Variants in CLNS1A observed in about 807,000 individuals in gnomAD.
CLNS1A encodes the protein chloride nucleotide-sensitive channel 1A.
A neutral mutation model predicts 29.4 loss-of-function variants in CLNS1A; 16 were observed. That is an observed-to-expected ratio of 0.54 (90% CI 0.37 to 0.83). CLNS1A has a LOEUF of 0.83. Among genes scored for constraint, CLNS1A ranks in the 40% least tolerant of loss-of-function variants. CLNS1A has a pLI of 0.00. For synonymous variants in CLNS1A, 96 were observed against 104.8 expected, an observed-to-expected ratio of 0.92 and a Z score of 0.51; for missense variants, 235 against 287.4, an observed-to-expected ratio of 0.82 and a Z score of 1.32.
chr11:77,636,736 A>C (rs970497262), intron 1 of CLNS1A, among the ~76,000 whole-genome samples: 4 of 152,186 alleles, frequency 2.6e-5, no homozygotes, highest in Non-Finnish European at 5.9e-5. Context: ...TGAGCTCTTA[A>C]AAGTAGAGAA....
chr11:77,619,655 C>T lies in CLNS1A; in HGVS notation c.687G>A (p.Gln229=). 1 of 1,614,018 alleles carries T rather than the reference C, an allele frequency of 6.2e-7. No individual in the cohort carries two copies. Among genetic ancestry groups the T allele is most frequent in the Non-Finnish European group, 8.5e-7 (1 of 1,179,916 alleles). ...EVDTTPTVAG[Q]FEDADVDH The stretch of plus-strand genomic sequence containing the variant: ...AGTGATCAACATCTGCATCCTCAAA[C>T]TGTCCAGCAACTGTTGGTGTGGTAT... The change falls in exon 6 of 7, where the codon CAG becomes CAA. Residue 229 remains glutamine, a synonymous_variant. Coordinates refer to ENST00000525428, the MANE Select transcript of CLNS1A (RefSeq NM_001293.3).
chr11:77,617,189 A>G (rs1435273954), intron 6 of CLNS1A, among the ~76,000 whole-genome samples: 2 of 151,896 alleles, frequency 1.3e-5, no homozygotes, highest in African/African-American at 4.8e-5. Context: ...CCAAACATGG[A>G]GAAACACTGT....
intron 2 of CLNS1A, 55 bp from the exon 3 acceptor site, chr11:77,625,873 A>G: frequency 7.4e-7 from 1 of 1,350,082 alleles, no homozygotes; most frequent in Non-Finnish European, 1.0e-6. Flanking sequence ...AAAATGAAGC[A>G]TATTGAAAAT....
At chr11:77,619,520 T>C in intron 6 of CLNS1A, 86 bp downstream of exon 6, 1 of 901,786 alleles carries the variant, frequency 1.1e-6, no homozygotes, top group Non-Finnish European at 1.8e-6. Flanking sequence ...TAAGACCCTG[T>C]CTCAAGAAAG....
chr11:77,637,688 C>T lies in CLNS1A; in HGVS notation c.27G>A (p.Pro9=). The T allele has an allele frequency of 6.4e-7, 1 of 1,561,068 alleles. No homozygotes were observed. The highest frequency in any genetic ancestry group is 8.7e-7 in the Non-Finnish European group (1 of 1,152,734). ...GCAGGAGCCCCTCCGCTGGCCCAGG[C>T]GGCGGGAAACTTTTGAGGAAGCTCA... is the stretch of plus-strand genomic sequence containing the variant. MSFLKSFP[P]PGPAEGLLRQ... The change falls in exon 1 of 7, where the codon CCG becomes CCA. Residue 9 remains proline (P), a synonymous_variant. Coordinates refer to ENST00000525428, the MANE Select transcript of CLNS1A (RefSeq NM_001293.3).
At chr11:77,629,569 A>AT (rs981671641) in intron 2 of CLNS1A, among the ~76,000 whole-genome samples, 194 bp downstream of exon 2, 1 of 151,568 alleles carries the variant, frequency 6.6e-6, no homozygotes, top group Non-Finnish European at 1.5e-5. Context: ...AATTTTTTGT[A>AT]TTTTTTAGTA....
At chr11:77,618,565 C>T (rs1306725711) in intron 6 of CLNS1A, 1 of 152,136 alleles carries the variant, frequency 6.6e-6, no homozygotes, top group African/African-American at 2.4e-5. Context: ...GTTCCACTGG[C>T]AGGATGTGAG....
chr11:77,614,648 G>C lies in CLNS1A; in HGVS notation c.*2070C>G, dbSNP rs1958893731. On this transcript the variant is annotated 3_prime_UTR_variant, in exon 7 of 7. Coordinates refer to ENST00000525428, the MANE Select transcript of CLNS1A (RefSeq NM_001293.3). ...AGGTGTGAGCCACCACGTCCGGCTG[G>C]GACCATATCTTAATGAATACATTTT... The C allele has an allele frequency of 6.6e-6, 1 of 152,132 alleles. No individual in the cohort carries two copies. Among genetic ancestry groups the C allele is most frequent in the Non-Finnish European group, 1.5e-5 (1 of 68,044 alleles). 9.4% of individuals were successfully genotyped at this position (152,132 alleles called of 1,614,324 possible).
At chr11:77,627,379 CAGTG>C (rs537167051) in intron 2 of CLNS1A, among the ~76,000 whole-genome samples, 67 of 149,486 alleles carry the variant, frequency 4.5e-4, no homozygotes, top group African/African-American at 1.7e-3. Flanking sequence ...GCAGAGGTTG[CAGTG>C]AGTCAAGATC....
chr11:77,632,127 A>G (rs1959080646), intron 1 of CLNS1A, among the ~76,000 whole-genome samples: 1 of 152,240 alleles, frequency 6.6e-6, no homozygotes, highest in African/African-American at 2.4e-5. Flanking sequence ...CCAAAGAAAC[A>G]TTGTATTATG....
intron 3 of CLNS1A, chr11:77,625,507 T>A: frequency 3.8e-6 from 2 of 523,724 alleles, no homozygotes; most frequent in Admixed American, 7.4e-5. Flanking sequence ...TGACAGAGTG[T>A]CTACAATATT....
chr11:77,635,355 C>CT (rs796095213), intron 1 of CLNS1A, among the ~76,000 whole-genome samples: 26,245 of 134,140 alleles, frequency 0.2, 2,794 homozygotes, highest in Non-Finnish European at 0.25. Context: ...TGAAATTTTT[C>CT]TTTTTTTTTT....
At chr11:77,618,602 T>G (rs565445043) in intron 6 of CLNS1A, 12 of 152,332 alleles carry the variant, frequency 7.9e-5, no homozygotes, top group African/African-American at 2.4e-4. Flanking sequence ...AGTATCACAA[T>G]TCATGGTCAG....
intron 2 of CLNS1A, among the ~76,000 whole-genome samples, chr11:77,627,992 A>AT (rs34384000): frequency 6.6e-6 from 1 of 151,928 alleles, no homozygotes; most frequent in Admixed American, 6.6e-5. Context: ...CGCCCAGCTA[A>AT]TTTTTGTATT....
chr11:77,631,478 A>G (rs527904600), intron 1 of CLNS1A, among the ~76,000 whole-genome samples: 17 of 150,000 alleles, frequency 1.1e-4, no homozygotes, highest in Middle Eastern at 3.5e-3. Context: ...CCGCCACCAC[A>G]CCCGGCTAAT....
intron 1 of CLNS1A, among the ~76,000 whole-genome samples, chr11:77,630,893 A>C (rs552862642): frequency 5.9e-5 from 9 of 152,342 alleles, no homozygotes; most frequent in African/African-American, 2.2e-4. Context: ...AAAATATTCT[A>C]AAATGGTGGT....
chr11:77,629,747 A>G lies in CLNS1A; in HGVS notation c.262+16T>C, dbSNP rs1487784061. 1.9e-6 allele frequency: 3 copies of G among 1,609,386 alleles called. No individual in the cohort carries two copies. The African/African-American group carries it at 4.0e-5, about 22-fold the overall frequency. On this transcript the variant is annotated intron_variant, in intron 2 of 6. Transcript: ENST00000525428. ...GCTATCAAAGGAGGCATTAGATTAA[A>G]TTACACCATACATACCTTCAAATTT...
At chr11:77,620,446 C>T (rs1214605470) in intron 5 of CLNS1A, among the ~76,000 whole-genome samples, 1 of 152,138 alleles carries the variant, frequency 6.6e-6, no homozygotes, top group Non-Finnish European at 1.5e-5. Context: ...TGCTAATTGC[C>T]CAGTCTTGAG....
At chr11:77,620,706 G>C (rs186848235) in intron 5 of CLNS1A, among the ~76,000 whole-genome samples, 1 of 152,146 alleles carries the variant, frequency 6.6e-6, no homozygotes, top group African/African-American at 2.4e-5. Flanking sequence ...CTACTCGGGA[G>C]GCTGAGGCAG....
Sources: gnomAD v4.1 joint callset for allele counts (sites outside exome capture counted in the v4.1 genomes callset) on GRCh38, gnomAD v4.1.1 for gene constraint, MANE v1.5 for transcripts, NCBI Gene and HGNC (gene_info 2026-07-23, HGNC 2026-07-21) for gene names.